The following CHRNB1 variants were observed in gnomAD, a reference collection of about 807,000 sequenced individuals.
CHRNB1 encodes acetylcholine receptor subunit beta.
Under a neutral mutation model 53.8 loss-of-function variants are expected in CHRNB1, and 47 were observed. The ratio of observed to expected loss-of-function variants is 0.87; its 90% confidence interval spans 0.69 to 1.11. The LOEUF (loss-of-function observed/expected upper bound fraction) is 1.11, where lower values mean the gene tolerates loss of function less well. CHRNB1 is among the 50% of genes most tolerant of loss of function. The pLI is 0.00. For synonymous variants in CHRNB1, 259 were observed against 263.5 expected (o/e 0.98, Z 0.16); for missense variants, 605 against 654.9 (o/e 0.92, Z 0.83).
In CHRNB1 at chr17:7,445,927, G is replaced by A; in HGVS notation, c.199-142G>A. 1 of 760,196 alleles carries A rather than the reference G, an allele frequency of 1.3e-6. No individual in the cohort carries two copies. The highest frequency in any genetic ancestry group is 2.4e-6 in the Non-Finnish European group (1 of 424,926). 47.1% of individuals were successfully genotyped at this position (760,196 alleles called of 1,614,324 possible). ...TAGAGGCAGGTCTTAAACTAACGCC[G>A]CTTCTGGGAGGTGGACTTGGACCCG... On this transcript the variant is annotated intron_variant, in intron 2 of 10. Coordinates refer to ENST00000306071, the MANE Select transcript of CHRNB1 (RefSeq NM_000747.3). This position sits in a 1 kb window ranked among gnomAD's most constrained non-coding sequence, Gnocchi z 5.7.
chr17:7,456,049 C>CTTTTTTTTTT (rs528936191), intron 10 of CHRNB1, 108 bp downstream of exon 10: 5 of 409,690 alleles, frequency 1.2e-5, no homozygotes, highest in African/African-American at 7.5e-5. Context: ...TTTTTTTTGG[C>CTTTTTTTTTT]TTTTTTTTTT....
At chr17:7,456,178 C>G (rs559957562) in intron 10 of CHRNB1, among the ~76,000 whole-genome samples, 7 of 151,244 alleles carry the variant, frequency 4.6e-5, no homozygotes, top group African/African-American at 1.5e-4. Context: ...CTCAGCCTGC[C>G]GAGTAGCTGG....
chr17:7,446,944 TAGG>T lies in CHRNB1; in HGVS notation c.353+5_353+7del, dbSNP rs748309137. 7 of 1,612,842 alleles carry T rather than the reference TAGG, an allele frequency of 4.3e-6. No individual in the cohort carries two copies. The highest frequency in any genetic ancestry group is 4.5e-5 in the East Asian group (2 of 44,848). Reference sequence around the variant, plus strand: ...CCCTGACGTGGTGCTACTGAACAAGTAGGAGAACTTCCAAAGCCCGGGAGGTGG... The same window carrying T: ...CCCTGACGTGGTGCTACTGAACAAGTAGAACTTCCAAAGCCCGGGAGGTGG... On this transcript the variant is annotated splice_donor_5th_base_variant and intron_variant, in intron 4 of 10. Coordinates refer to ENST00000306071, the MANE Select transcript of CHRNB1 (RefSeq NM_000747.3).
chr17:7,448,608 C>T lies in CHRNB1; in HGVS notation c.640C>T (p.Pro214Ser), dbSNP rs746760487. The T allele has an allele frequency of 5.0e-6, 8 of 1,614,166 alleles. No homozygotes were observed. The East Asian group carries it at 1.8e-4, about 36-fold the overall frequency. ...TGGCCAGTGGGAGATTATCCACAAGCCCTCTCGGCTAATCCAGCCTCCAGG... is the reference window on the plus strand; with the variant it reads ...TGGCCAGTGGGAGATTATCCACAAGTCCTCTCGGCTAATCCAGCCTCCAGG... Reference protein sequence around the residue: ...ENGQWEIIHKPSRLIQPPGDP... With the variant: ...ENGQWEIIHKSSRLIQPPGDP... The change falls in exon 7 of 11, where the codon CCC (proline) becomes TCC (serine). Residue 214 changes from proline (P) to serine (S), a missense_variant. Physicochemically the swap from Pro to Ser is moderately conservative, Grantham distance 74. Coordinates refer to ENST00000306071, the MANE Select transcript of CHRNB1 (RefSeq NM_000747.3).
chr17:7,447,681 C>G, intron 6 of CHRNB1, 31 bp downstream of exon 6: 1 of 1,613,344 alleles, frequency 6.2e-7, no homozygotes, highest in South Asian at 1.1e-5. Context: ...CATCCATGGG[C>G]TCTATCATTT....
chr17:7,456,499 A>C lies in CHRNB1; in HGVS notation c.1366-84A>C, dbSNP rs537910401. The C allele has an allele frequency of 1.9e-6, 3 of 1,584,916 alleles. No individual in the cohort carries two copies. The South Asian group carries it at 3.3e-5, about 18-fold the overall frequency. On this transcript the variant is annotated intron_variant, in intron 10 of 10. Coordinates refer to ENST00000306071, the MANE Select transcript of CHRNB1 (RefSeq NM_000747.3). ...CCTCAAACCAGTGGTAGGAGGACTC[A>C]AGCGGGTAGCGGGCGGGGAAATGGG...
At chr17:7,446,645 A>G in intron 3 of CHRNB1, 188 bp from the exon 4 acceptor site, 1 of 603,664 alleles carries the variant, frequency 1.7e-6, no homozygotes, top group Non-Finnish European at 3.0e-6. Flanking sequence ...GGTGCGGGGG[A>G]GGGAAATTAG....
In CHRNB1 at chr17:7,448,647, G is replaced by A. The variant is rs754282990; in HGVS notation, c.679G>A (p.Gly227Arg). The A allele has an allele frequency of 1.9e-6, 3 of 1,614,132 alleles. No individual in the cohort carries two copies. Among genetic ancestry groups the A allele is most frequent in the South Asian group, 1.1e-5 (1 of 91,070 alleles). Reference sequence around the variant, plus strand: ...CCAGCCTCCAGGCGATCCTAGGGGAGGGAGGGAAGGACAGCGCCAGGAAGT... The same window carrying A: ...CCAGCCTCCAGGCGATCCTAGGGGAAGGAGGGAAGGACAGCGCCAGGAAGT... ...LIQPPGDPRG[G>R]REGQRQEVIF... The change falls in exon 7 of 11, where the codon GGG (glycine) becomes AGG (arginine). Residue 227 changes from glycine to arginine, a missense_variant. Transcript: ENST00000306071.
chr17:7,455,442 C>T lies in CHRNB1; in HGVS notation c.1203C>T (p.Phe401=). The T allele has an allele frequency of 6.2e-7, 1 of 1,614,146 alleles. No individual in the cohort carries two copies. Among genetic ancestry groups the T allele is most frequent in the East Asian group, 2.2e-5 (1 of 44,882 alleles). The part of the protein sequence containing the change: ...FIRKPPSDFL[F]PKPNRFQPEL... ...GGAAGCCGCCAAGTGATTTTCTCTT[C>T]CCCAAACCCAATAGGTAGGACTACG... The change falls in exon 9 of 11, where the codon TTC becomes TTT. Residue 401 remains phenylalanine (F), a synonymous_variant. Transcript: ENST00000306071.
Position 7,448,572 on chromosome 17 carries a change from TC to T in CHRNB1, c.611-3del, listed in dbSNP as rs1249405509. On this transcript the variant is annotated splice_polypyrimidine_tract_variant and splice_region_variant and intron_variant, in intron 6 of 10. Transcript: ENST00000306071. ...ATCTGTGTTCCCCTCCTTCTGCTCA[TC>T]CCCAGAGAATGGCCAGTGGGAGATT... 6.2e-7 allele frequency: 1 copy of T among 1,613,912 alleles called. No homozygotes were observed. The highest frequency in any genetic ancestry group is 1.1e-5 in the South Asian group (1 of 91,062).
chr17:7,446,078 G>A lies in CHRNB1; in HGVS notation c.208G>A (p.Asp70Asn). ...LAQLISLNEKDEEMSTKVYLD... is the reference protein window; with the variant it reads ...LAQLISLNEKNEEMSTKVYLD... ...AATTTTTCCCTTCTAGAACGAGAAG[G>A]ATGAAGAGATGAGCACAAAGGTGTA... Residue 70 changes from aspartate to asparagine, a missense_variant, in exon 3 of 11, where the codon GAT becomes AAT. Asp to Asn is a conservative substitution (Grantham distance 23). Coordinates refer to ENST00000306071, the MANE Select transcript of CHRNB1 (RefSeq NM_000747.3). The A allele has an allele frequency of 6.2e-7, 1 of 1,614,040 alleles. No individual in the cohort carries two copies. Among genetic ancestry groups the A allele is most frequent in the African/African-American group, 1.3e-5 (1 of 75,004 alleles).
rs180908813 is a variant in CHRNB1, at chr17:7,454,255, C to T, written c.821-42C>T. 9 of 1,508,596 alleles carry T rather than the reference C, an allele frequency of 6.0e-6. No homozygotes were observed. In the Admixed American group the frequency reaches 1.5e-4, roughly 25 times the overall value. 93.5% of individuals were successfully genotyped at this position (1,508,596 alleles called of 1,614,324 possible). ...CTGATTATGCCATAGAGCTTTCCTT[C>T]AGGCAAGTCTAATCCTTCTCTCTTC... On this transcript the variant is annotated intron_variant, in intron 7 of 10. Transcript: ENST00000306071.
At position 7,455,813 on chromosome 17, in the gene CHRNB1, G is replaced by GC; in HGVS notation, c.1241dup (p.Asp415Ter). The GC allele has an allele frequency of 6.2e-7, 1 of 1,614,146 alleles. No homozygotes were observed. Among genetic ancestry groups the GC allele is most frequent in the Non-Finnish European group, 8.5e-7 (1 of 1,180,034 alleles). On this transcript the variant is annotated frameshift_variant, in exon 10 of 11. Coordinates refer to ENST00000306071, the MANE Select transcript of CHRNB1 (RefSeq NM_000747.3). LOFTEE classifies it high-confidence loss of function. Reference sequence around the variant, plus strand: ...TTCCAGGTTCCAGCCTGAACTGTCTGCCCCTGATCTGCGGCGATTTATCGA... The same window carrying GC: ...TTCCAGGTTCCAGCCTGAACTGTCTGCCCCCTGATCTGCGGCGATTTATCGA...
In CHRNB1 at chr17:7,445,423, G is replaced by C. The variant is rs765610075; in HGVS notation, c.198+14G>C. On this transcript the variant is annotated intron_variant, in intron 2 of 10. Coordinates refer to ENST00000306071, the MANE Select transcript of CHRNB1 (RefSeq NM_000747.3). This position sits in a 1 kb window ranked among gnomAD's most constrained non-coding sequence, Gnocchi z 5.7. ...CTCATCAGCCTGGTGAGGGCGCGCG[G>C]GGGGTGGAGGTCAGGCCAGCCGACC... is the stretch of plus-strand genomic sequence containing the variant. The C allele has an allele frequency of 7.5e-6, 12 of 1,610,002 alleles. No homozygotes were observed. The highest frequency in any genetic ancestry group is 1.1e-5 in the South Asian group (1 of 90,860).
At chr17:7,456,451 C>G in intron 10 of CHRNB1, 132 bp from the exon 11 acceptor site, 1 of 1,149,138 alleles carries the variant, frequency 8.7e-7, no homozygotes, top group Non-Finnish European at 1.3e-6. Context: ...GTCTCGCTCT[C>G]CTGTTGGCGC....
At position 7,445,949 on chromosome 17, in the gene CHRNB1, C is replaced by T; in HGVS notation, c.199-120C>T. 1.1e-6 allele frequency: 1 copy of T among 876,386 alleles called. No homozygotes were observed. The highest frequency in any genetic ancestry group is 1.9e-6 in the Non-Finnish European group (1 of 518,352). The allele number at this position is 876,386 out of a possible 1,614,324, so 54.3% of individuals were successfully genotyped here. On this transcript the variant is annotated intron_variant, in intron 2 of 10. Transcript: ENST00000306071. This position sits in a 1 kb window ranked among gnomAD's most constrained non-coding sequence, Gnocchi z 5.7. ...GCCGCTTCTGGGAGGTGGACTTGGA[C>T]CCGAGAGGATGGGGCTCAGAAAAAG...
chr17:7,447,720 T>A (rs1403719196), intron 6 of CHRNB1, 70 bp downstream of exon 6: 1 of 1,572,440 alleles, frequency 6.4e-7, no homozygotes, highest in Admixed American at 1.7e-5. Flanking sequence ...ATAAATATAC[T>A]GTCAGTGATG....
At chr17:7,446,004 C>A in intron 2 of CHRNB1, 65 bp from the exon 3 acceptor site, 1 of 1,464,346 alleles carries the variant, frequency 6.8e-7, no homozygotes, top group Non-Finnish European at 9.6e-7. Context: ...AGAGGTTGGC[C>A]CCCCGAGCCC....
chr17:7,447,035 C>T lies in CHRNB1; in HGVS notation c.354-8C>T. The T allele has an allele frequency of 6.2e-7, 1 of 1,613,832 alleles. No individual in the cohort carries two copies. On this transcript the variant is annotated splice_region_variant and splice_polypyrimidine_tract_variant and intron_variant, in intron 4 of 10. Coordinates refer to ENST00000306071, the MANE Select transcript of CHRNB1 (RefSeq NM_000747.3). ...GGCCTGATCCCTGATGAGATCCCTT[C>T]TCTGCAGCAATGATGGGAATTTTGA...
Sources: allele counts gnomAD v4.1 joint callset (sites outside exome capture counted in the v4.1 genomes callset), GRCh38; gene constraint gnomAD v4.1.1; non-coding constraint Gnocchi (gnomAD v3.1); transcripts MANE v1.5; gene names NCBI Gene and HGNC (gene_info 2026-07-23, HGNC 2026-07-21).